Variants in SNAI2 observed in about 807,000 individuals in gnomAD.
The protein encoded by SNAI2 is snail family transcriptional repressor 2, also known as zinc finger protein SNAI2.
A neutral mutation model predicts 22.4 loss-of-function variants in SNAI2; 2 were observed. That is an observed-to-expected ratio of 0.09 (90% confidence interval 0.04 to 0.28). The LOEUF (loss-of-function observed/expected upper bound fraction) is 0.28. Ranked by LOEUF, SNAI2 falls within the 10% of genes least tolerant of loss-of-function variation. The pLI is 1.00. For synonymous variants in SNAI2, 134 were observed against 123.0 expected, an observed-to-expected ratio of 1.09 and a Z score of -0.59; for missense variants, 239 against 320.8, an observed-to-expected ratio of 0.75 and a Z score of 1.95.
At position 48,918,687 on chromosome 8, in the gene SNAI2, G is replaced by A. The variant is rs2117647232; in HGVS notation, c.*120C>T. The A allele has an allele frequency of 1.2e-6, 1 of 847,746 alleles. No individual in the cohort carries two copies. The highest frequency in any genetic ancestry group is 2.4e-5 in the East Asian group (1 of 40,932). The allele number at this position is 847,746 out of a possible 1,614,324, so 52.5% of individuals were successfully genotyped here. Reference sequence around the variant, plus strand: ...TGTGTGTGTGTGTGTGCATATGTGTGTGTGTCTATACATATTATTTGGTTG... The same window carrying A: ...TGTGTGTGTGTGTGTGCATATGTGTATGTGTCTATACATATTATTTGGTTG... On this transcript the variant is annotated 3_prime_UTR_variant, in exon 3 of 3. Transcript: ENST00000020945.
rs1408977509 is a variant in SNAI2 at position 48,920,192 on chromosome 8, T to G, written c.329A>C (p.Glu110Ala). 4 of 1,614,086 alleles carry G rather than the reference T, an allele frequency of 2.5e-6. No homozygotes were observed. The highest frequency in any genetic ancestry group is 3.4e-6 in the Non-Finnish European group (4 of 1,180,038). Residue 110 changes from glutamate (E) to alanine (A), a missense_variant, in exon 2 of 3, where the codon GAG (glutamate) becomes GCG (alanine). Glu to Ala is a moderately radical substitution (Grantham distance 107). Coordinates refer to ENST00000020945, the MANE Select transcript of SNAI2 (RefSeq NM_003068.5). The stretch of plus-strand genomic sequence containing the variant: ...TGAAAGCTTGGACTGTAGTCTTTCC[T>G]CTTCATCACTAATGGGGCTTTCTGA... ...SGSESPISDEEERLQSKLSDP... is the reference protein window; with the variant it reads ...SGSESPISDEAERLQSKLSDP...
rs748296993 is a variant in SNAI2, at chr8:48,918,773, T to C, written c.*34A>G. The C allele has an allele frequency of 6.2e-7, 1 of 1,612,270 alleles. No individual in the cohort carries two copies. The highest frequency in any genetic ancestry group is 1.7e-5 in the Admixed American group (1 of 60,030). Reference sequence around the variant, plus strand: ...GTCATTTGGCTTCGGAGTGAAGAAATGCATTCTGTTCGAGTAAACATTGAT... The same window carrying C: ...GTCATTTGGCTTCGGAGTGAAGAAACGCATTCTGTTCGAGTAAACATTGAT... On this transcript the variant is annotated 3_prime_UTR_variant, in exon 3 of 3. Coordinates refer to ENST00000020945, the MANE Select transcript of SNAI2 (RefSeq NM_003068.5).
rs1187067984 is a variant in SNAI2 at position 48,918,645 on chromosome 8, C to T, written c.*162G>A. On this transcript the variant is annotated 3_prime_UTR_variant, in exon 3 of 3. Transcript: ENST00000020945. ...ACACATGAATTCCATGCTCTTGCAG[C>T]TCTCTCTCTGTGGGTGTGTGTGTGT... The T allele has an allele frequency of 1.5e-6, 1 of 669,638 alleles. No individual in the cohort carries two copies. The highest frequency in any genetic ancestry group is 1.8e-5 in the South Asian group (1 of 56,758). The allele number at this position is 669,638 out of a possible 1,614,324, so 41.5% of individuals were successfully genotyped here.
chr8:48,918,643 A>G lies in SNAI2; in HGVS notation c.*164T>C. ...AAACACATGAATTCCATGCTCTTGC[A>G]GCTCTCTCTCTGTGGGTGTGTGTGT... On this transcript the variant is annotated 3_prime_UTR_variant, in exon 3 of 3. Coordinates refer to ENST00000020945, the MANE Select transcript of SNAI2 (RefSeq NM_003068.5). The G allele has an allele frequency of 3.0e-6, 2 of 665,794 alleles. No homozygotes were observed. The highest frequency in any genetic ancestry group is 2.4e-5 in the Admixed American group (1 of 41,892). 41.2% of individuals were successfully genotyped at this position (665,794 alleles called of 1,614,324 possible).
intron 1 of SNAI2, among the ~76,000 whole-genome samples, chr8:48,920,664 G>T (rs1806149461): frequency 1.3e-5 from 2 of 152,176 alleles, no homozygotes; most frequent in African/African-American, 2.4e-5. Context: ...GCTGACAGCT[G>T]CACGGAGCTA....
chr8:48,920,588 A>T (rs1258275749), intron 1 of SNAI2, 147 bp from the exon 2 acceptor site: 4 of 741,552 alleles, frequency 5.4e-6, no homozygotes, highest in Non-Finnish European at 9.2e-6. Context: ...GAGGGCATAC[A>T]CACTGGTAAA....
chr8:48,921,072 A>C, intron 1 of SNAI2, 115 bp downstream of exon 1: 1 of 852,290 alleles, frequency 1.2e-6, no homozygotes, highest in Admixed American at 1.8e-5. Flanking sequence ...ACACTGTTAA[A>C]AAGGAAAACA....
At position 48,918,465 on chromosome 8, in the gene SNAI2, G is replaced by A. The variant is rs973748752; in HGVS notation, c.*342C>T. The stretch of plus-strand genomic sequence containing the variant: ...TCTTTTCAGTTGAAATGATTTGGCA[G>A]CAATGTAAATCTTTGCATTTTTTTA... On this transcript the variant is annotated 3_prime_UTR_variant, in exon 3 of 3. Coordinates refer to ENST00000020945, the MANE Select transcript of SNAI2 (RefSeq NM_003068.5). The A allele has an allele frequency of 6.5e-5, 20 of 308,592 alleles. No homozygotes were observed. Among genetic ancestry groups the A allele is most frequent in the Non-Finnish European group, 1.0e-4 (17 of 162,130 alleles). 19.1% of individuals were successfully genotyped at this position (308,592 alleles called of 1,614,324 possible). A position where few individuals can be genotyped will look rare whatever the true frequency, so the allele number is the denominator to read the frequency against.
rs1291933953 is a variant in SNAI2 at position 48,917,890 on chromosome 8, A to G, written c.*917T>C. On this transcript the variant is annotated 3_prime_UTR_variant, in exon 3 of 3. Transcript: ENST00000020945. The stretch of plus-strand genomic sequence containing the variant: ...GCTATAGACAACATCTCAGTTTCAT[A>G]CAGAACTCATTCAATCATATAAAAA... 1 of 152,188 alleles carries G rather than the reference A, an allele frequency of 6.6e-6. No homozygotes were observed. The highest frequency in any genetic ancestry group is 2.4e-5 in the African/African-American group (1 of 41,442). The allele number at this position is 152,188 out of a possible 1,614,324, so 9.4% of individuals were successfully genotyped here.
chr8:48,920,097 C>G lies in SNAI2; in HGVS notation c.424G>C (p.Gly142Arg). ...TGCAGCTGCTTATGTTTGGCCAGCC[C>G]AGAAAAAGTTGAATAGGTCTTATTG... is the stretch of plus-strand genomic sequence containing the variant. ...LCNKTYSTFS[G>R]LAKHKQLHCD... The change falls in exon 2 of 3, where the codon GGG (glycine) becomes CGG (arginine). Residue 142 changes from glycine to arginine, a missense_variant. Transcript: ENST00000020945. 6.2e-7 allele frequency: 1 copy of G among 1,614,220 alleles called. No individual in the cohort carries two copies. Among genetic ancestry groups the G allele is most frequent in the Non-Finnish European group, 8.5e-7 (1 of 1,180,044 alleles).
In SNAI2 at chr8:48,917,896, C is replaced by T. The variant is rs2117646286; in HGVS notation, c.*911G>A. On this transcript the variant is annotated 3_prime_UTR_variant, in exon 3 of 3. Transcript: ENST00000020945. Reference sequence around the variant, plus strand: ...GACAACATCTCAGTTTCATACAGAACTCATTCAATCATATAAAAATAAACA... The same window carrying T: ...GACAACATCTCAGTTTCATACAGAATTCATTCAATCATATAAAAATAAACA... 6.6e-6 allele frequency: 1 copy of T among 152,222 alleles called. No individual in the cohort carries two copies. Among genetic ancestry groups the T allele is most frequent in the Non-Finnish European group, 1.5e-5 (1 of 68,006 alleles). The allele number at this position is 152,222 out of a possible 1,614,324, so 9.4% of individuals were successfully genotyped here. A position where few individuals can be genotyped will look rare whatever the true frequency, so the allele number is the denominator to read the frequency against.
Position 48,918,796 on chromosome 8 carries a change from G to T in SNAI2, c.*11C>A, listed in dbSNP as rs771161154. On this transcript the variant is annotated 3_prime_UTR_variant, in exon 3 of 3. Coordinates refer to ENST00000020945, the MANE Select transcript of SNAI2 (RefSeq NM_003068.5). ...AATGCATTCTGTTCGAGTAAACATT[G>T]ATTGCGTCACTCAGTGTGCTACACA... 4 of 1,613,488 alleles carry T rather than the reference G, an allele frequency of 2.5e-6. No individual in the cohort carries two copies. The highest frequency in any genetic ancestry group is 3.4e-6 in the Non-Finnish European group (4 of 1,179,560).
chr8:48,918,065 T>C lies in SNAI2; in HGVS notation c.*742A>G, dbSNP rs1806103743. 6.6e-6 allele frequency: 1 copy of C among 152,254 alleles called. No individual in the cohort carries two copies. Among genetic ancestry groups the C allele is most frequent in the Admixed American group, 6.5e-5 (1 of 15,290 alleles). 9.4% of individuals were successfully genotyped at this position (152,254 alleles called of 1,614,324 possible). ...ATCCTCTTTTGCACTTATTCCCATC[T>C]TTAATTAATTTTCAAAAATTATTAA... On this transcript the variant is annotated 3_prime_UTR_variant, in exon 3 of 3. Coordinates refer to ENST00000020945, the MANE Select transcript of SNAI2 (RefSeq NM_003068.5).
intron 1 of SNAI2, among the ~76,000 whole-genome samples, chr8:48,920,925 A>G (rs1264202547): frequency 6.6e-6 from 1 of 152,226 alleles, no homozygotes; most frequent in Admixed American, 6.5e-5. Context: ...TCACATACTC[A>G]TTATGCATGT....
At chr8:48,920,516 C>T (rs1806146915) in intron 1 of SNAI2, 75 bp from the exon 2 acceptor site, 5 of 1,295,286 alleles carry the variant, frequency 3.9e-6, no homozygotes, top group Non-Finnish European at 4.5e-6. Context: ...AGTATACACA[C>T]ACTGGAAAGA....
Position 48,917,973 on chromosome 8 carries a change from G to T in SNAI2, c.*834C>A, listed in dbSNP as rs1237770092. 2 of 151,914 alleles carry T rather than the reference G, an allele frequency of 1.3e-5. No individual in the cohort carries two copies. Among genetic ancestry groups the T allele is most frequent in the Non-Finnish European group, 2.9e-5 (2 of 67,988 alleles). The allele number at this position is 151,914 out of a possible 1,614,324, so 9.4% of individuals were successfully genotyped here. On this transcript the variant is annotated 3_prime_UTR_variant, in exon 3 of 3. Transcript: ENST00000020945. Reference sequence around the variant, plus strand: ...ACAATTTAAAAAGGCACTTGGAAGGGGTATTGTATTATTGCATTTGTGGTA... The same window carrying T: ...ACAATTTAAAAAGGCACTTGGAAGGTGTATTGTATTATTGCATTTGTGGTA...
Position 48,919,747 on chromosome 8 carries a change from C to T in SNAI2, c.625+149G>A, listed in dbSNP as rs977457327. On this transcript the variant is annotated intron_variant, in intron 2 of 2. Transcript: ENST00000020945. The stretch of plus-strand genomic sequence containing the variant: ...TAGCAAGAAATGGAGCACTTTGTGC[C>T]CTAACAACTTTTTGAGTAGTCAGGA... 4 of 839,652 alleles carry T rather than the reference C, an allele frequency of 4.8e-6. No individual in the cohort carries two copies. The African/African-American group carries it at 5.0e-5, about 10-fold the overall frequency. The allele number at this position is 839,652 out of a possible 1,614,324, so 52.0% of individuals were successfully genotyped here.
chr8:48,919,481 G>A (rs529090404), intron 2 of SNAI2, among the ~76,000 whole-genome samples: 3 of 152,326 alleles, frequency 2.0e-5, no homozygotes, highest in South Asian at 4.1e-4. Context: ...GTCACCCACG[G>A]GTGACAAATA....
rs1419133808 is a variant in SNAI2 at position 48,921,170 on chromosome 8, T to C, written c.79+17A>G. On this transcript the variant is annotated intron_variant, in intron 1 of 2. Coordinates refer to ENST00000020945, the MANE Select transcript of SNAI2 (RefSeq NM_003068.5). ...AGCTCTAGATACGTAGTTCTAGATA[T>C]ATTTTTCTCTTTTTACCTGTATGTG... is the stretch of plus-strand genomic sequence containing the variant. 6.4e-7 allele frequency: 1 copy of C among 1,574,684 alleles called. No homozygotes were observed. The highest frequency in any genetic ancestry group is 1.3e-5 in the African/African-American group (1 of 74,158).
Sources: gnomAD v4.1 joint callset for allele counts (sites outside exome capture counted in the v4.1 genomes callset) on GRCh38, gnomAD v4.1.1 for gene constraint, MANE v1.5 for transcripts, NCBI Gene and HGNC (gene_info 2026-07-23, HGNC 2026-07-21) for gene names.